The following GLDC variants were observed in gnomAD, a reference collection of about 807,000 sequenced individuals.
GLDC encodes the protein glycine decarboxylase.
GLDC carries 104 observed loss-of-function variants against 121.3 expected under a neutral mutation model. The observed-to-expected ratio is 0.86, with a 90% CI of 0.73 to 1.01. The LOEUF is 1.01. GLDC is among the 50% of genes least tolerant of loss of function. The pLI, the probability that GLDC is intolerant of heterozygous loss-of-function variation, is 0.00. For missense variants in GLDC, 1,429 were observed against 1,306.6 expected, an observed-to-expected ratio of 1.09 and a Z score of -1.44; for synonymous variants, 546 against 480.6, an observed-to-expected ratio of 1.14 and a Z score of -1.78.
chr9:6,629,960 T>A (rs868004650), intron 2 of GLDC, among the ~76,000 whole-genome samples: 2,289 of 132,546 alleles, frequency 0.017, 231 homozygotes, highest in African/African-American at 0.049. Flanking sequence ...TATATATATT[T>A]TTTTTTTTTA....
intron 14 of GLDC, 90 bp from the exon 15 acceptor site, chr9:6,587,373 G>T (rs1818292441): frequency 3.0e-6 from 3 of 1,004,614 alleles, no homozygotes; most frequent in Non-Finnish European, 4.7e-6. Flanking sequence ...GATGAGAAAA[G>T]CTATGTGCCA....
chr9:6,633,024 A>G (rs1819421500), intron 2 of GLDC, among the ~76,000 whole-genome samples: 1 of 151,974 alleles, frequency 6.6e-6, no homozygotes. Context: ...GATGCACACA[A>G]TAGCTCTTCT....
rs569045817 is a variant in GLDC at position 6,535,048 on chromosome 9, T to A, written c.2839-260A>T. On this transcript the variant is annotated intron_variant, in intron 23 of 24. Coordinates refer to ENST00000321612, the MANE Select transcript of GLDC (RefSeq NM_000170.3). ...TATTTGCTTCATCTTTTAGAAAAAA[T>A]TACCTACACGTTTGGTGCTGCCTGT... Among the ~76,000 whole-genome samples the A allele has an allele frequency of 6.2e-4, 94 of 152,268 alleles. No individual in the cohort carries two copies. In the Middle Eastern group the frequency reaches 0.02, roughly 33 times the overall value.
intron 7 of GLDC, among the ~76,000 whole-genome samples, chr9:6,603,930 A>G (rs186505610): frequency 1.6e-4 from 25 of 152,060 alleles, no homozygotes; most frequent in Admixed American, 1.1e-3. Context: ...GGGTTTCACC[A>G]TATTGGCCAG....
At chr9:6,560,503 T>C (rs1005946674) in intron 16 of GLDC, among the ~76,000 whole-genome samples, 27 of 152,198 alleles carry the variant, frequency 1.8e-4, no homozygotes, top group African/African-American at 6.3e-4. Context: ...TGTAGTTAAT[T>C]TTTTTCTTTA....
chr9:6,547,427 T>C (rs986806892), intron 21 of GLDC, among the ~76,000 whole-genome samples: 2 of 152,184 alleles, frequency 1.3e-5, no homozygotes, highest in South Asian at 2.1e-4. Context: ...ACCTATCAAA[T>C]TGGCCATGAT....
chr9:6,586,333 T>C (rs1321884920), intron 15 of GLDC, among the ~76,000 whole-genome samples: 1 of 151,540 alleles, frequency 6.6e-6, no homozygotes, highest in East Asian at 1.9e-4. Flanking sequence ...AAATAAAGAG[T>C]CTTAGTCTCA....
chr9:6,595,633 T>C (rs538574835), intron 8 of GLDC, among the ~76,000 whole-genome samples: 15 of 152,260 alleles, frequency 9.9e-5, no homozygotes, highest in Non-Finnish European at 1.9e-4. Flanking sequence ...AACCAAGAGT[T>C]GAATGGAGAA....
At chr9:6,539,236 C>T (rs1009942596) in intron 22 of GLDC, among the ~76,000 whole-genome samples, 11 of 151,936 alleles carry the variant, frequency 7.2e-5, no homozygotes, top group African/African-American at 2.7e-4. Flanking sequence ...CCAGCACTTT[C>T]GGAGGCCGAG....
chr9:6,537,491 T>C (rs1009030999), intron 22 of GLDC, among the ~76,000 whole-genome samples: 46 of 152,204 alleles, frequency 3.0e-4, no homozygotes, highest in African/African-American at 1.0e-3. Context: ...TATTTAAAAA[T>C]GTTCAGGCCA....
chr9:6,543,897 G>C (rs200577902), intron 21 of GLDC, among the ~76,000 whole-genome samples: 1 of 151,796 alleles, frequency 6.6e-6, no homozygotes, highest in South Asian at 2.1e-4. Flanking sequence ...ACAGGAGGGG[G>C]GGGGATGAAG....
Position 6,598,124 on chromosome 9 carries a change from G to A in GLDC, c.1156-3005C>T, listed in dbSNP as rs549477093. 2.4e-4 allele frequency among the ~76,000 whole-genome samples: 36 copies of A among 152,296 alleles called. No individual in the cohort carries two copies. The East Asian group carries it at 5.0e-3, about 21-fold the overall frequency. On this transcript the variant is annotated intron_variant, in intron 8 of 24. Transcript: ENST00000321612. ...GCTCACTGCAGCCTGGACCTCCCCA[G>A]CTCAAGCACTCCTACCACCTCAGTC...
chr9:6,545,785 T>A (rs1404658286), intron 21 of GLDC, among the ~76,000 whole-genome samples: 1 of 151,996 alleles, frequency 6.6e-6, no homozygotes, highest in East Asian at 1.9e-4. Flanking sequence ...GGATTACAGA[T>A]GTCCACCACC....
At chr9:6,583,500 C>T (rs1233190195) in intron 15 of GLDC, among the ~76,000 whole-genome samples, 3 of 152,102 alleles carry the variant, frequency 2.0e-5, no homozygotes, top group Non-Finnish European at 4.4e-5. Flanking sequence ...TGTAGTGAGA[C>T]TCCTGTCTCT....
At chr9:6,583,667 C>A (rs897938984) in intron 15 of GLDC, among the ~76,000 whole-genome samples, 2 of 152,076 alleles carry the variant, frequency 1.3e-5, no homozygotes, top group Non-Finnish European at 2.9e-5. Context: ...AAGAATGAGA[C>A]CCTGTCTGAA....
chr9:6,641,706 A>G (rs1819633762), intron 2 of GLDC, among the ~76,000 whole-genome samples: 1 of 152,326 alleles, frequency 6.6e-6, no homozygotes, highest in East Asian at 1.9e-4. Flanking sequence ...TGTCCAGTAC[A>G]TGGTAAGCAC....
At chr9:6,614,054 G>A (rs143186555) in intron 3 of GLDC, among the ~76,000 whole-genome samples, 3,002 of 152,170 alleles carry the variant, frequency 0.02, 52 homozygotes, top group Non-Finnish European at 0.032. Flanking sequence ...TGGGATTACA[G>A]GCGTGAGTCA....
intron 15 of GLDC, among the ~76,000 whole-genome samples, chr9:6,574,023 C>T (rs1818015020): frequency 6.6e-6 from 1 of 152,202 alleles, no homozygotes; most frequent in Admixed American, 6.5e-5. Context: ...CAACACAACA[C>T]TCTGTAATGT....
At chr9:6,644,974 G>A in intron 1 of GLDC, 2 of 610,834 alleles carry the variant, frequency 3.3e-6, no homozygotes, top group Non-Finnish European at 2.9e-6. Flanking sequence ...GCAAAGTTTA[G>A]GTCCATCCAC....
Sources: gnomAD v4.1 joint callset for allele counts (sites outside exome capture counted in the v4.1 genomes callset) on GRCh38, gnomAD v4.1.1 for gene constraint, MANE v1.5 for transcripts, NCBI Gene and HGNC (gene_info 2026-07-23, HGNC 2026-07-21) for gene names.